The following SEMA6D variants were observed in gnomAD, a reference collection of about 807,000 sequenced individuals.
SEMA6D encodes the protein semaphorin 6D, also known as semaphorin-6D.
Under a neutral mutation model 106.6 loss-of-function variants are expected in SEMA6D, and 35 were observed. That is an observed-to-expected ratio of 0.33 (90% confidence interval 0.25 to 0.44). SEMA6D has a LOEUF of 0.44. Among genes scored for constraint, SEMA6D ranks in the 20% least tolerant of loss-of-function variants. The probability of loss-of-function intolerance (pLI) is 1.00; values close to 1 mark genes in which losing one functional copy is unlikely to be tolerated. For missense variants in SEMA6D, 1,185 were observed against 1,345.9 expected (o/e 0.88, Z 1.87); for synonymous variants, 499 against 487.7 (o/e 1.02, Z -0.31).
intron 1 of SEMA6D, among the ~76,000 whole-genome samples, chr15:47,379,149 A>G (rs1219629597): frequency 2.6e-5 from 4 of 152,214 alleles, no homozygotes; most frequent in Non-Finnish European, 5.9e-5. Flanking sequence ...CGTCTTTTAT[A>G]TTATCTCACT....
chr15:47,696,742 T>G (rs995935897), intron 4 of SEMA6D, among the ~76,000 whole-genome samples: 2 of 152,192 alleles, frequency 1.3e-5, no homozygotes, highest in African/African-American at 2.4e-5. Context: ...ACACAGGCAG[T>G]GACACAGCTG....
rs772298678 is a variant in SEMA6D at position 47,294,165 on chromosome 15, AC to A, written c.-239+109748del. On this transcript the variant is annotated intron_variant, in intron 1 of 19. Coordinates refer to the SEMA6D transcript ENST00000558014. ...AGAACCTTACAGTTCCGAAGGAAAA[AC>A]AAAAAAAAAGACTGTGGGAATCTCT... Among the ~76,000 whole-genome samples, 11 of 151,970 alleles carry A rather than the reference AC, an allele frequency of 7.2e-5. No individual in the cohort carries two copies. In the East Asian group the frequency reaches 1.2e-3, roughly 16 times the overall value.
At chr15:47,426,259 C>T (rs1019277610) in intron 2 of SEMA6D, among the ~76,000 whole-genome samples, 1 of 152,042 alleles carries the variant, frequency 6.6e-6, no homozygotes, top group African/African-American at 2.4e-5. Flanking sequence ...CTTGCCTTAG[C>T]TTCATGTGGC....
At position 47,504,515 on chromosome 15, in the gene SEMA6D, G is replaced by A. The variant is rs12908293; in HGVS notation, c.-87+33970G>A. 2.3e-3 allele frequency among the ~76,000 whole-genome samples: 351 copies of A among 152,248 alleles called. 2 individuals are homozygous for A. Among genetic ancestry groups the A allele is most frequent in the Non-Finnish European group, 4.1e-3 (278 of 68,014 alleles). ...CTGATAGAAAAGCAGGAGATCCAGG[G>A]AGCCAATAAATAAGACCCCTTTGCC... On this transcript the variant is annotated intron_variant, in intron 3 of 19. Transcript: ENST00000558014.
At chr15:47,692,339 C>T (rs1399779373) in intron 4 of SEMA6D, among the ~76,000 whole-genome samples, 4 of 152,120 alleles carry the variant, frequency 2.6e-5, no homozygotes, top group Admixed American at 1.3e-4. Flanking sequence ...CCTTCCTCTA[C>T]TGTGAACATA....
intron 1 of SEMA6D, among the ~76,000 whole-genome samples, chr15:47,282,896 A>G (rs1202774939): frequency 2.6e-5 from 4 of 151,942 alleles, no homozygotes; most frequent in African/African-American, 7.3e-5. Context: ...TATGTGACCT[A>G]TTTCCCAACA....
chr15:47,597,976 G>T (rs549534790), intron 3 of SEMA6D, among the ~76,000 whole-genome samples: 1 of 151,796 alleles, frequency 6.6e-6, no homozygotes, highest in East Asian at 1.9e-4. Context: ...AGATCACTGT[G>T]TTCAGTGTTT....
At chr15:47,552,433 G>T (rs2142424831) in intron 3 of SEMA6D, among the ~76,000 whole-genome samples, 1 of 151,138 alleles carries the variant, frequency 6.6e-6, no homozygotes, top group East Asian at 2.0e-4. Flanking sequence ...AGGAAAGAAA[G>T]TATGAGCTTA....
intron 1 of SEMA6D, among the ~76,000 whole-genome samples, chr15:47,284,178 T>G (rs2035254723): frequency 6.6e-6 from 1 of 152,336 alleles, no homozygotes; most frequent in African/African-American, 2.4e-5. Flanking sequence ...ATATCTCAAA[T>G]AGATCACATA....
At position 47,415,241 on chromosome 15, in the gene SEMA6D, T is replaced by C. The variant is rs560995398; in HGVS notation, c.-159+2769T>C. ...CAACAAAATGCAATCATTATAACTT[T>C]CCCTGAATTGTGTGTGTATCTATTT... On this transcript the variant is annotated intron_variant, in intron 2 of 19. Transcript: ENST00000558014. Among the ~76,000 whole-genome samples, 4 of 152,302 alleles carry C rather than the reference T, an allele frequency of 2.6e-5. No individual in the cohort carries two copies. In the East Asian group the frequency reaches 7.7e-4, roughly 29 times the overall value.
chr15:47,214,431 A>G (rs2030362311), intron 1 of SEMA6D, among the ~76,000 whole-genome samples: 1 of 152,202 alleles, frequency 6.6e-6, no homozygotes. Context: ...ACACAAAGAC[A>G]TCTCTGAAGG....
chr15:47,656,230 AAC>A (rs1266684186), intron 4 of SEMA6D, among the ~76,000 whole-genome samples: 1 of 152,246 alleles, frequency 6.6e-6, no homozygotes, highest in Admixed American at 6.5e-5. Flanking sequence ...TTTAAATAGA[AAC>A]ACATATCAAA....
chr15:47,480,020 A>T (rs2043109568), intron 3 of SEMA6D, among the ~76,000 whole-genome samples: 1 of 145,910 alleles, frequency 6.9e-6, no homozygotes, highest in African/African-American at 2.7e-5. Context: ...ACAGCACCTG[A>T]TTAATTTTTT....
intron 1 of SEMA6D, among the ~76,000 whole-genome samples, chr15:47,720,955 A>C (rs1200949302): frequency 1.3e-5 from 2 of 152,204 alleles, no homozygotes; most frequent in East Asian, 3.8e-4. Context: ...TGCGTGATAA[A>C]ATATTGTCTT....
In SEMA6D at chr15:47,655,615, A is replaced by G. The variant is rs6493287; in HGVS notation, c.-55+54719A>G. The stretch of plus-strand genomic sequence containing the variant: ...GATGAATTATAAGTTCATTATTAGT[A>G]TTTAGAAAACATGTGGGAAGAGCAA... On this transcript the variant is annotated intron_variant, in intron 4 of 19. Coordinates refer to the SEMA6D transcript ENST00000558014. 3.8e-3 allele frequency among the ~76,000 whole-genome samples: 582 copies of G among 152,344 alleles called. 6 individuals are homozygous for G. The highest frequency in any genetic ancestry group is 0.014 in the African/African-American group (568 of 41,586).
chr15:47,486,904 G>A (rs1190082911), intron 3 of SEMA6D, among the ~76,000 whole-genome samples: 3 of 152,038 alleles, frequency 2.0e-5, no homozygotes, highest in African/African-American at 7.2e-5. Flanking sequence ...TACAGTCAAG[G>A]CATATGTACT....
At chr15:47,440,462 A>G (rs750671226) in intron 2 of SEMA6D, among the ~76,000 whole-genome samples, 4 of 152,066 alleles carry the variant, frequency 2.6e-5, no homozygotes, top group Non-Finnish European at 5.9e-5. Context: ...GCCTTAGTAG[A>G]GTCAGATGCA....
rs115655586 is a variant in SEMA6D, at chr15:47,225,318, G to A, written c.-239+40900G>A. On this transcript the variant is annotated intron_variant, in intron 1 of 19. Transcript: ENST00000558014. ...TGCTCTACATTCTCACCAGCATTTG[G>A]TGGTGTCAGTGTTCCAGATTTTAGT... Among the ~76,000 whole-genome samples the A allele has an allele frequency of 9.8e-3, 1,486 of 152,046 alleles. 30 individuals carry two copies. Among genetic ancestry groups the A allele is most frequent in the African/African-American group, 0.034 (1,419 of 41,500 alleles).
Position 47,765,876 on chromosome 15 carries a change from G to T in SEMA6D, c.1435G>T (p.Ala479Ser). Residue 479 changes from alanine (A) to serine (S), a missense_variant, in exon 14 of 19, where the codon GCT becomes TCT. By Grantham distance (99) the Ala-to-Ser change is moderately conservative. Transcript: ENST00000536845. Reference protein sequence around the residue: ...IEAYNHAKCSAENEEDKKVIS... With the variant: ...IEAYNHAKCSSENEEDKKVIS... ...ATGTATCCCACAAAATAGGTGCAGT[G>T]CTGAGAATGAGGAAGACAAAAAGGT... 6.6e-7 allele frequency: 1 copy of T among 1,516,458 alleles called. No individual in the cohort carries two copies. The allele number at this position is 1,516,458 out of a possible 1,614,324, so 93.9% of individuals were successfully genotyped here. A position where few individuals can be genotyped will look rare whatever the true frequency, so the allele number is the denominator to read the frequency against.
Sources: allele counts gnomAD v4.1 joint callset (sites outside exome capture counted in the v4.1 genomes callset), GRCh38; gene constraint gnomAD v4.1.1; transcripts MANE v1.5; gene names NCBI Gene and HGNC (gene_info 2026-07-23, HGNC 2026-07-21).